DGKI: variants seen among roughly 807,000 people sequenced by gnomAD.
The protein encoded by DGKI is diacylglycerol kinase iota.
DGKI carries 55 observed loss-of-function variants against 147.5 expected under a neutral mutation model. The ratio of observed to expected loss-of-function variants is 0.37; its 90% CI spans 0.30 to 0.47. The LOEUF is 0.47. DGKI is among the 20% of genes least tolerant of loss of function. The pLI is 1.00. For missense variants in DGKI, 1,007 were observed against 1,323.8 expected, an observed-to-expected ratio of 0.76 and a Z score of 3.71; for synonymous variants, 469 against 477.1, an observed-to-expected ratio of 0.98 and a Z score of 0.22.
chr7:137,463,434 C>A (rs773199452), intron 27 of DGKI, 55 bp downstream of exon 27: 1 of 1,601,612 alleles, frequency 6.2e-7, no homozygotes, highest in East Asian at 2.2e-5. Flanking sequence ...CACAGTACAT[C>A]CTCTCCCAGC....
At chr7:137,802,394 T>G (rs1797241796) in intron 1 of DGKI, among the ~76,000 whole-genome samples, 1 of 152,202 alleles carries the variant, frequency 6.6e-6, no homozygotes, top group African/African-American at 2.4e-5. Context: ...AAATGATTTT[T>G]AATATCTTTC....
Position 137,391,065 on chromosome 7 carries a change from T to C in DGKI, c.*155A>G, listed in dbSNP as rs75146337. ...TATCATGTTCTGTTGTACATCTTGG[T>C]AGCCCTTAAAAGCTAGTGGCATGGT... On this transcript the variant is annotated 3_prime_UTR_variant, in exon 33 of 33. Transcript: ENST00000614521. 1.5e-5 allele frequency: 10 copies of C among 672,048 alleles called. No individual in the cohort carries two copies. In the East Asian group the frequency reaches 2.6e-4, roughly 18 times the overall value. 41.6% of individuals were successfully genotyped at this position (672,048 alleles called of 1,614,324 possible).
At chr7:137,423,898 T>C in intron 28 of DGKI, among the ~76,000 whole-genome samples, 1 of 152,376 alleles carries the variant, frequency 6.6e-6, no homozygotes, top group Non-Finnish European at 1.5e-5. Flanking sequence ...CTTTAAGTTC[T>C]GGGATACACG....
At chr7:137,495,702 C>T (rs1233258216) in intron 21 of DGKI, among the ~76,000 whole-genome samples, 1 of 151,696 alleles carries the variant, frequency 6.6e-6, no homozygotes, top group Non-Finnish European at 1.5e-5. Flanking sequence ...AACTAAAGAC[C>T]AAAACTACAT....
chr7:137,638,331 T>A (rs1233054351), intron 6 of DGKI, among the ~76,000 whole-genome samples: 1 of 150,846 alleles, frequency 6.6e-6, no homozygotes, highest in East Asian at 2.0e-4. Flanking sequence ...CCAATTTTTA[T>A]CTTAAATGTC....
At chr7:137,408,753 G>T (rs776825423) in intron 29 of DGKI, among the ~76,000 whole-genome samples, 2 of 152,154 alleles carry the variant, frequency 1.3e-5, no homozygotes, top group African/African-American at 4.8e-5. Flanking sequence ...TGAGGATAAG[G>T]TGGCTACATG....
intron 8 of DGKI, among the ~76,000 whole-genome samples, chr7:137,612,355 A>G (rs1409031744): frequency 6.6e-6 from 1 of 151,510 alleles, no homozygotes; most frequent in Admixed American, 6.6e-5. Context: ...ACAGTCGTTG[A>G]CTTACAGTAC....
chr7:137,767,540 G>GAGAAGAGAA (rs1796056327), intron 1 of DGKI, among the ~76,000 whole-genome samples: 3 of 136,428 alleles, frequency 2.2e-5, no homozygotes, highest in African/African-American at 8.7e-5. Flanking sequence ...GAGTAGAGTA[G>GAGAAGAGAA]GAGGAAGAGG....
In DGKI at chr7:137,389,321, C is replaced by A. The variant is rs1036416070; in HGVS notation, c.*1899G>T. 4 of 152,156 alleles carry A rather than the reference C, an allele frequency of 2.6e-5. No homozygotes were observed. The highest frequency in any genetic ancestry group is 9.7e-5 in the African/African-American group (4 of 41,438). The allele number at this position is 152,156 out of a possible 1,614,324, so 9.4% of individuals were successfully genotyped here. On this transcript the variant is annotated 3_prime_UTR_variant, in exon 33 of 33. Transcript: ENST00000614521. Reference sequence around the variant, plus strand: ...ACTCACAACCCAATCCATCCTCCCACCAACAATTTGATTTTGAAATGACTA... The same window carrying A: ...ACTCACAACCCAATCCATCCTCCCAACAACAATTTGATTTTGAAATGACTA...
intron 6 of DGKI, 81 bp downstream of exon 6, chr7:137,645,391 G>C (rs1013735937): frequency 5.2e-5 from 62 of 1,186,884 alleles, no homozygotes; most frequent in Admixed American, 4.8e-4. Flanking sequence ...CACTGGATTT[G>C]GGGACAGGAC....
intron 21 of DGKI, among the ~76,000 whole-genome samples, chr7:137,517,723 G>A (rs1195785982): frequency 6.6e-6 from 1 of 152,046 alleles, no homozygotes; most frequent in Admixed American, 6.6e-5. Flanking sequence ...AAAATTCAGT[G>A]GTGGATAACA....
At chr7:137,718,427 C>G (rs1015964602) in intron 1 of DGKI, among the ~76,000 whole-genome samples, 2 of 152,078 alleles carry the variant, frequency 1.3e-5, no homozygotes, top group African/African-American at 4.8e-5. Flanking sequence ...ACAGGGGAGG[C>G]TGAGAAGGGA....
chr7:137,410,337 G>A (rs1044345358), intron 29 of DGKI, among the ~76,000 whole-genome samples: 2 of 152,136 alleles, frequency 1.3e-5, no homozygotes, highest in South Asian at 2.1e-4. Flanking sequence ...CCCGGGAGGC[G>A]GAGCTTGCAG....
intron 19 of DGKI, among the ~76,000 whole-genome samples, chr7:137,561,347 T>C (rs953781892): frequency 6.6e-6 from 1 of 152,122 alleles, no homozygotes; most frequent in Non-Finnish European, 1.5e-5. Context: ...TTCTCGTTAA[T>C]TTGTGGAAGC....
intron 19 of DGKI, among the ~76,000 whole-genome samples, chr7:137,564,823 C>A (rs182083894): frequency 2.4e-4 from 37 of 152,352 alleles, no homozygotes; most frequent in Admixed American, 2.2e-3. Context: ...TCTCTGAGCA[C>A]AAGGGCGGTC....
intron 32 of DGKI, among the ~76,000 whole-genome samples, chr7:137,392,417 G>A (rs1405031525): frequency 1.3e-5 from 2 of 152,156 alleles, no homozygotes; most frequent in Non-Finnish European, 2.9e-5. Context: ...TCCAAAGGAA[G>A]GGTAGAGGCA....
intron 1 of DGKI, among the ~76,000 whole-genome samples, chr7:137,748,043 G>T (rs1795394626): frequency 6.6e-6 from 1 of 152,072 alleles, no homozygotes; most frequent in South Asian, 2.1e-4. Flanking sequence ...TACTATGAGA[G>T]GGAAAAGATT....
rs1300853303 is a variant in DGKI, at chr7:137,384,245, C to T, written c.*6975G>A. 6.6e-6 allele frequency: 1 copy of T among 152,036 alleles called. No homozygotes were observed. The highest frequency in any genetic ancestry group is 2.4e-5 in the African/African-American group (1 of 41,430). The allele number at this position is 152,036 out of a possible 1,614,324, so 9.4% of individuals were successfully genotyped here. A position where few individuals can be genotyped will look rare whatever the true frequency, so the allele number is the denominator to read the frequency against. ...TTAACGCTCACTGTTAATTTCTTCT[C>T]TTGAAATCCACCCTGGTATGCAAAC... On this transcript the variant is annotated 3_prime_UTR_variant, in exon 33 of 33. Coordinates refer to ENST00000614521, the MANE Select transcript of DGKI (RefSeq NM_001321708.2).
chr7:137,764,149 T>A (rs1795938778), intron 1 of DGKI, among the ~76,000 whole-genome samples: 1 of 152,146 alleles, frequency 6.6e-6, no homozygotes, highest in Non-Finnish European at 1.5e-5. Flanking sequence ...ATGTGAACGG[T>A]GTTGCCCTAG....
Sources: allele counts gnomAD v4.1 joint callset (sites outside exome capture counted in the v4.1 genomes callset), GRCh38; gene constraint gnomAD v4.1.1; transcripts MANE v1.5; gene names NCBI Gene and HGNC (gene_info 2026-07-23, HGNC 2026-07-21).